Variants in TEX2 observed in about 807,000 individuals in gnomAD.
TEX2 encodes testis expressed 2.
Under a neutral mutation model 106.9 loss-of-function variants are expected in TEX2, and 53 were observed. The ratio of observed to expected loss-of-function variants is 0.50; its 90% CI spans 0.40 to 0.62. TEX2 has a LOEUF of 0.62. Among genes scored for constraint, TEX2 ranks in the 20% least tolerant of loss-of-function variants. TEX2 has a pLI of 0.00. For synonymous variants in TEX2, 523 were observed against 534.8 expected, an observed-to-expected ratio of 0.98 and a Z score of 0.30; for missense variants, 1,207 against 1,379.0, an observed-to-expected ratio of 0.88 and a Z score of 1.98.
At chr17:64,154,635 T>C (rs2030524820) in intron 9 of TEX2, among the ~76,000 whole-genome samples, 1 of 152,172 alleles carries the variant, frequency 6.6e-6, no homozygotes, top group Non-Finnish European at 1.5e-5. Flanking sequence ...CAGAAAGCCA[T>C]TTTAGTAAGG....
At chr17:64,258,043 C>G (rs1357014546) in intron 1 of TEX2, among the ~76,000 whole-genome samples, 1 of 152,008 alleles carries the variant, frequency 6.6e-6, no homozygotes, top group Non-Finnish European at 1.5e-5. Context: ...TCCTGAGTAG[C>G]TGGAACTACA....
At position 64,212,790 on chromosome 17, in the gene TEX2, C is replaced by T. The variant is rs2033046279; in HGVS notation, c.1428G>A (p.Leu476=). ...VQHPELPVKT[L]GFFIMCVYVY... ...CATAGACACACATTATAAAGAAGCC[C>T]AACGTCTTCACTGGCAATTCCGGGT... Residue 476 remains leucine (L), a synonymous_variant, in exon 2 of 12, where the codon TTG becomes TTA. Coordinates refer to ENST00000584379, the MANE Select transcript of TEX2 (RefSeq NM_001288732.2). 6.2e-7 allele frequency: 1 copy of T among 1,613,984 alleles called. No individual in the cohort carries two copies. Among genetic ancestry groups the T allele is most frequent in the Admixed American group, 1.7e-5 (1 of 59,990 alleles).
chr17:64,216,204 A>T (rs1460210691), intron 1 of TEX2, among the ~76,000 whole-genome samples: 1 of 152,236 alleles, frequency 6.6e-6, no homozygotes, highest in Non-Finnish European at 1.5e-5. Context: ...GTCCAGGACA[A>T]TCCTTCCCTG....
chr17:64,164,421 AAAG>A (rs1433700909), intron 7 of TEX2, among the ~76,000 whole-genome samples: 2 of 151,762 alleles, frequency 1.3e-5, no homozygotes, highest in Non-Finnish European at 2.9e-5. Context: ...CTCTGTCTCA[AAAG>A]AAGAAGAAGA....
At chr17:64,181,385 A>G (rs1248086696) in intron 5 of TEX2, among the ~76,000 whole-genome samples, 1 of 147,214 alleles carries the variant, frequency 6.8e-6, no homozygotes, top group Non-Finnish European at 1.5e-5. Context: ...CTGAGGCAGG[A>G]GAATCGCTTG....
At chr17:64,149,188 T>C (rs1215094013) in intron 11 of TEX2, 97 bp from the exon 12 acceptor site, 5 of 1,353,550 alleles carry the variant, frequency 3.7e-6, no homozygotes, top group Non-Finnish European at 5.0e-6. Context: ...GACTGATTTT[T>C]AAAAGTACAT....
At chr17:64,237,829 G>A (rs1471444573) in intron 1 of TEX2, among the ~76,000 whole-genome samples, 1 of 152,090 alleles carries the variant, frequency 6.6e-6, no homozygotes, top group Non-Finnish European at 1.5e-5. Flanking sequence ...TATCAGAAAG[G>A]TGTTTAAAGT....
At chr17:64,211,215 C>G (rs2032992073) in intron 2 of TEX2, among the ~76,000 whole-genome samples, 1 of 152,168 alleles carries the variant, frequency 6.6e-6, no homozygotes, top group South Asian at 2.1e-4. Flanking sequence ...CCTCCCTCAG[C>G]CTCCAAAAGT....
rs1369332899 is a variant in TEX2 at position 64,185,448 on chromosome 17, A to G, written c.2424+2720T>C. Reference sequence around the variant, plus strand: ...AAGTGGTACCATTGCACTTTCAGACATTTTTTAAAAAAGAGTTCCCTTGTT... The same window carrying G: ...AAGTGGTACCATTGCACTTTCAGACGTTTTTTAAAAAAGAGTTCCCTTGTT... On this transcript the variant is annotated intron_variant, in intron 5 of 11. Transcript: ENST00000584379. The surrounding 1 kb of genome is among the most constrained non-coding windows in gnomAD (Gnocchi z 4.0). Among the ~76,000 whole-genome samples, 1 of 152,088 alleles carries G rather than the reference A, an allele frequency of 6.6e-6. No individual in the cohort carries two copies. Among genetic ancestry groups the G allele is most frequent in the Non-Finnish European group, 1.5e-5 (1 of 68,018 alleles).
At chr17:64,161,058 T>A in intron 7 of TEX2, 125 bp from the exon 8 acceptor site, 1 of 1,031,596 alleles carries the variant, frequency 9.7e-7, no homozygotes, top group Non-Finnish European at 1.4e-6. Context: ...TCTACTACTC[T>A]AGTTGAGAAG....
rs773241586 is a variant in TEX2 at position 64,152,936 on chromosome 17, T to C, written c.3140+9A>G. ...AATCACTTATTGTCCCTGAGGGCCC[T>C]CTACGCACCATACTCGGTCAGTCGG... On this transcript the variant is annotated intron_variant, in intron 10 of 11. Transcript: ENST00000584379. 1 of 1,613,378 alleles carries C rather than the reference T, an allele frequency of 6.2e-7. No homozygotes were observed.
At chr17:64,193,121 C>T (rs1550796) in intron 4 of TEX2, among the ~76,000 whole-genome samples, 84,122 of 152,002 alleles carry the variant, frequency 0.55, 24,670 homozygotes, top group East Asian at 0.83. Flanking sequence ...CGAATGACCA[C>T]GATCTGACCT....
chr17:64,232,977 A>G (rs1555634760), intron 1 of TEX2, among the ~76,000 whole-genome samples: 1 of 152,192 alleles, frequency 6.6e-6, no homozygotes, highest in East Asian at 1.9e-4. Flanking sequence ...AAAAAGGCAG[A>G]GGCATTTGGG....
rs1366145501 is a variant in TEX2 at position 64,213,760 on chromosome 17, A to T, written c.458T>A (p.Leu153His). Residue 153 changes from leucine (L) to histidine (H), a missense_variant, in exon 2 of 12, where the codon CTT becomes CAT. Transcript: ENST00000584379. This position sits in a 1 kb window ranked among gnomAD's most constrained non-coding sequence, Gnocchi z 4.4. ...GGAAGAACTGGTTTTCTGCTCAGAA[A>T]GGGATGACACACTGGGAGAGCTAGC... The part of the protein sequence containing the change: ...PLASSPSVSS[L>H]SEQKTSSSSP... 1 of 1,614,212 alleles carries T rather than the reference A, an allele frequency of 6.2e-7. No individual in the cohort carries two copies. Among genetic ancestry groups the T allele is most frequent in the East Asian group, 2.2e-5 (1 of 44,886 alleles).
intron 6 of TEX2, among the ~76,000 whole-genome samples, chr17:64,174,744 C>T (rs903288): frequency 0.72 from 109,701 of 152,104 alleles, 39,672 homozygotes; most frequent in East Asian, 0.83. Context: ...TTTGCTGACA[C>T]AGGCACAAGA....
At chr17:64,179,525 C>T (rs2031760334) in intron 5 of TEX2, among the ~76,000 whole-genome samples, 1 of 152,154 alleles carries the variant, frequency 6.6e-6, no homozygotes, top group Admixed American at 6.6e-5. Context: ...TCCGTGCCAC[C>T]TTTAAGAGCT....
At chr17:64,210,638 T>A (rs886583219) in intron 2 of TEX2, among the ~76,000 whole-genome samples, 199 of 60,768 alleles carry the variant, frequency 3.3e-3, no homozygotes, top group Admixed American at 0.015. Context: ...CCCCAGCTTT[T>A]TTTTTTTTTT....
chr17:64,198,434 A>G (rs1329562996), intron 2 of TEX2, among the ~76,000 whole-genome samples: 2 of 151,838 alleles, frequency 1.3e-5, no homozygotes, highest in African/African-American at 4.8e-5. Context: ...ACTAAAACCA[A>G]GAAGAATCCA....
intron 2 of TEX2, among the ~76,000 whole-genome samples, chr17:64,204,653 C>T (rs1225713784): frequency 6.6e-6 from 1 of 152,094 alleles, no homozygotes; most frequent in African/African-American, 2.4e-5. Context: ...GCCTGGGCAC[C>T]CACAAAAAAA....
Sources: gnomAD v4.1 joint callset for allele counts (sites outside exome capture counted in the v4.1 genomes callset) on GRCh38, gnomAD v4.1.1 for gene constraint, Gnocchi (gnomAD v3.1) non-coding constraint, MANE v1.5 for transcripts, NCBI Gene and HGNC (gene_info 2026-07-23, HGNC 2026-07-21) for gene names.